DSCAM: variants seen among roughly 807,000 people sequenced by gnomAD.
DSCAM encodes DS cell adhesion molecule, also known as cell adhesion molecule DSCAM.
In DSCAM, 47 loss-of-function variants were observed where a neutral mutation model predicts 217.7. The ratio of observed to expected loss-of-function variants is 0.22; its 90% CI spans 0.17 to 0.28. The LOEUF (loss-of-function observed/expected upper bound fraction) is 0.28. DSCAM is among the 10% of genes least tolerant of loss of function. The pLI is 1.00. For missense variants in DSCAM, 2,080 were observed against 2,618.3 expected (o/e 0.79, Z 4.49); for synonymous variants, 1,056 against 1,015.3 (o/e 1.04, Z -0.76).
chr21:40,537,714 C>T (rs1266406105), intron 3 of DSCAM, among the ~76,000 whole-genome samples: 1 of 152,092 alleles, frequency 6.6e-6, no homozygotes, highest in East Asian at 1.9e-4. Flanking sequence ...GATGAAATCA[C>T]CAAACACCAA....
chr21:40,083,433 C>CAACAA (rs1333411481), intron 24 of DSCAM, among the ~76,000 whole-genome samples: 1 of 152,144 alleles, frequency 6.6e-6, no homozygotes, highest in Non-Finnish European at 1.5e-5. Context: ...CATCTCAAAA[C>CAACAA]AACAAAACAA....
At chr21:40,487,313 G>GCA (rs2076037824) in intron 3 of DSCAM, among the ~76,000 whole-genome samples, 5 of 116,024 alleles carry the variant, frequency 4.3e-5, no homozygotes, top group African/African-American at 2.1e-4. Flanking sequence ...GCGTGTGTGT[G>GCA]TGTGTGTGTG....
At chr21:40,393,452 GTA>G (rs1164980152) in intron 3 of DSCAM, among the ~76,000 whole-genome samples, 1 of 152,178 alleles carries the variant, frequency 6.6e-6, no homozygotes, top group Non-Finnish European at 1.5e-5. Context: ...TTTACTAAAT[GTA>G]TATGTTTTTA....
intron 1 of DSCAM, among the ~76,000 whole-genome samples, chr21:40,834,435 TAA>T (rs941619236): frequency 2.1e-5 from 2 of 97,042 alleles, no homozygotes; most frequent in African/African-American, 6.4e-5. Flanking sequence ...AAAATAATAA[TAA>T]TAATAATAAT....
intron 3 of DSCAM, among the ~76,000 whole-genome samples, chr21:40,676,419 G>C (rs918972389): frequency 6.6e-6 from 1 of 152,200 alleles, no homozygotes; most frequent in African/African-American, 2.4e-5. Context: ...GTTTACTGGA[G>C]AACCCTGGGA....
intron 11 of DSCAM, among the ~76,000 whole-genome samples, chr21:40,190,366 T>C (rs1190830071): frequency 2.0e-5 from 3 of 151,010 alleles, no homozygotes; most frequent in Non-Finnish European, 4.4e-5. Context: ...CAAAAGCTGA[T>C]AGTGAAAAGC....
chr21:40,451,800 T>C lies in DSCAM; in HGVS notation c.509-82555A>G, dbSNP rs377406628. Among the ~76,000 whole-genome samples, 48 of 152,290 alleles carry C rather than the reference T, an allele frequency of 3.2e-4. No homozygotes were observed. The South Asian group carries it at 8.9e-3, about 28-fold the overall frequency. ...AATGCAATACCCAAGTGTTCCATTA[T>C]TGGAACACTAAACATGTGGGAGTTA... On this transcript the variant is annotated intron_variant, in intron 3 of 32. Coordinates refer to ENST00000400454, the MANE Select transcript of DSCAM (RefSeq NM_001389.5).
intron 3 of DSCAM, among the ~76,000 whole-genome samples, chr21:40,653,055 G>C (rs2090035097): frequency 6.6e-6 from 1 of 152,148 alleles, no homozygotes; most frequent in Admixed American, 6.5e-5. Flanking sequence ...TGTCCCTATA[G>C]GTCTCCGGGA....
chr21:40,739,272 T>A (rs1199205052), intron 1 of DSCAM, among the ~76,000 whole-genome samples: 3 of 152,098 alleles, frequency 2.0e-5, no homozygotes, highest in Non-Finnish European at 4.4e-5. Context: ...GCCATGCCCT[T>A]GAGGAGTCGG....
intron 1 of DSCAM, among the ~76,000 whole-genome samples, chr21:40,748,868 T>C (rs911934629): frequency 3.9e-5 from 6 of 152,090 alleles, no homozygotes; most frequent in African/African-American, 1.4e-4. Context: ...AGGATGACAC[T>C]GGCGTAAAAA....
intron 3 of DSCAM, among the ~76,000 whole-genome samples, chr21:40,570,620 T>A (rs1250249742): frequency 6.6e-6 from 1 of 152,198 alleles, no homozygotes; most frequent in East Asian, 1.9e-4. Context: ...GTAGCTGCGA[T>A]GAAGGCTCTA....
intron 10 of DSCAM, among the ~76,000 whole-genome samples, chr21:40,278,747 G>A (rs1601511916): frequency 6.6e-6 from 1 of 151,940 alleles, no homozygotes; most frequent in South Asian, 2.1e-4. Context: ...AGGAGGAGGA[G>A]GAGGAAGAGG....
intron 3 of DSCAM, among the ~76,000 whole-genome samples, chr21:40,424,276 G>A (rs1286750858): frequency 1.3e-5 from 2 of 152,162 alleles, no homozygotes; most frequent in African/African-American, 4.8e-5. Context: ...TGGAAATAAG[G>A]TCTTTATAGT....
At chr21:40,215,635 G>A (rs917757812) in intron 11 of DSCAM, among the ~76,000 whole-genome samples, 1 of 151,974 alleles carries the variant, frequency 6.6e-6, no homozygotes, top group African/African-American at 2.4e-5. Flanking sequence ...GTGGTGTAAT[G>A]GACATTGGAG....
intron 11 of DSCAM, among the ~76,000 whole-genome samples, chr21:40,244,146 C>G (rs978987270): frequency 1.3e-5 from 2 of 152,150 alleles, no homozygotes; most frequent in Non-Finnish European, 2.9e-5. Context: ...TGGAGCCAAA[C>G]TGTTATTAAA....
At chr21:40,112,438 G>A (rs1004819033) in intron 20 of DSCAM, among the ~76,000 whole-genome samples, 2 of 152,080 alleles carry the variant, frequency 1.3e-5, no homozygotes, top group Non-Finnish European at 2.9e-5. Flanking sequence ...GAAATTTATA[G>A]CACTAAATGC....
In DSCAM at chr21:40,051,968, C is replaced by T. The variant is rs778015131; in HGVS notation, c.5175G>A (p.Arg1725=). 2 of 1,612,364 alleles carry T rather than the reference C, an allele frequency of 1.2e-6. No homozygotes were observed. The highest frequency in any genetic ancestry group is 1.1e-5 in the South Asian group (1 of 90,792). The change falls in exon 30 of 33, where the codon CGG becomes CGA. Residue 1725 remains arginine (R), a synonymous_variant. Coordinates refer to ENST00000400454, the MANE Select transcript of DSCAM (RefSeq NM_001389.5). ...TGPLVDVSDA[R]PGTNPTTRRN... ...TTGTTGACCACTCACTCGTTCCCGG[C>T]CGAGCGTCTGAAACATCCACTAAGG...
At chr21:40,670,536 C>A (rs370196888) in intron 3 of DSCAM, among the ~76,000 whole-genome samples, 570 of 135,966 alleles carry the variant, frequency 4.2e-3, no homozygotes, top group East Asian at 5.4e-3. Flanking sequence ...GACTCCGTCT[C>A]AAAAAAAAAA....
chr21:40,820,874 CAAT>C (rs1354110859), intron 1 of DSCAM, among the ~76,000 whole-genome samples: 1 of 151,780 alleles, frequency 6.6e-6, no homozygotes, highest in Non-Finnish European at 1.5e-5. Context: ...CTCTAGAGCA[CAAT>C]AATAGATTAT....
Sources: gnomAD v4.1 joint callset for allele counts (sites outside exome capture counted in the v4.1 genomes callset) on GRCh38, gnomAD v4.1.1 for gene constraint, MANE v1.5 for transcripts, NCBI Gene and HGNC (gene_info 2026-07-23, HGNC 2026-07-21) for gene names.